The following KCNMA1 variants were observed in gnomAD, a reference collection of about 807,000 sequenced individuals.
The protein encoded by KCNMA1 is Calcium-activated potassium channel subunit alpha-1.
In KCNMA1, 29 loss-of-function variants were observed where a neutral mutation model predicts 140.0. The observed-to-expected ratio is 0.21, with a 90% CI of 0.15 to 0.28. The LOEUF is 0.28. KCNMA1 is among the 10% of genes least tolerant of loss of function. The pLI is 1.00. For synonymous variants in KCNMA1, 612 were observed against 611.9 expected, an observed-to-expected ratio of 1.00 and a Z score of 0.00; for missense variants, 880 against 1,602.2, an observed-to-expected ratio of 0.55 and a Z score of 7.70.
chr10:76,913,892 G>A (rs1195171469), intron 24 of KCNMA1: 2 of 610,340 alleles, frequency 3.3e-6, no homozygotes, highest in Non-Finnish European at 5.8e-6. Context: ...GCCAGAACAA[G>A]ACAGTCGATT....
intron 1 of KCNMA1, among the ~76,000 whole-genome samples, chr10:77,473,992 G>A (rs747448047): frequency 1.3e-5 from 2 of 152,154 alleles, no homozygotes; most frequent in Admixed American, 6.5e-5. Flanking sequence ...ACCCAGGGCC[G>A]GTCCTTAGAG....
chr10:77,566,132 A>T (rs2068221405), intron 1 of KCNMA1, among the ~76,000 whole-genome samples: 1 of 151,996 alleles, frequency 6.6e-6, no homozygotes, highest in Non-Finnish European at 1.5e-5. Context: ...TAGCAAAAAT[A>T]GGCTTTGGAA....
intron 9 of KCNMA1, among the ~76,000 whole-genome samples, chr10:77,096,292 C>A (rs775945451): frequency 2.7e-4 from 41 of 152,216 alleles, no homozygotes; most frequent in Middle Eastern, 6.8e-3. Context: ...ATGAAGAGGC[C>A]CAGGCTGACT....
intron 3 of KCNMA1, among the ~76,000 whole-genome samples, chr10:77,220,290 T>C (rs1232499041): frequency 1.3e-5 from 2 of 152,170 alleles, no homozygotes; most frequent in African/African-American, 4.8e-5. Flanking sequence ...TTGCTCAAAG[T>C]CACACCACTG....
At chr10:77,196,208 T>C (rs1272252755) in intron 3 of KCNMA1, among the ~76,000 whole-genome samples, 1 of 152,150 alleles carries the variant, frequency 6.6e-6, no homozygotes, top group Non-Finnish European at 1.5e-5. Flanking sequence ...TTCTTAGGAT[T>C]TTCTCTTCTG....
chr10:77,298,608 C>T (rs1260558781), intron 2 of KCNMA1, among the ~76,000 whole-genome samples: 1 of 61,790 alleles, frequency 1.6e-5, no homozygotes, highest in South Asian at 4.6e-4. Context: ...CAGGAGGGGG[C>T]ACCCTAACTG....
intron 15 of KCNMA1, among the ~76,000 whole-genome samples, chr10:77,036,812 T>G (rs200630692): frequency 6.6e-6 from 1 of 152,182 alleles, no homozygotes; most frequent in African/African-American, 2.4e-5. Context: ...TAACTTTGAG[T>G]TATGGCTTTT....
At chr10:77,478,806 A>AT (rs915440568) in intron 1 of KCNMA1, among the ~76,000 whole-genome samples, 10 of 152,226 alleles carry the variant, frequency 6.6e-5, no homozygotes, top group East Asian at 5.8e-4. Flanking sequence ...AATGCTATTT[A>AT]TAATAGCAAA....
At chr10:76,948,305 C>A (rs2064989366) in intron 22 of KCNMA1, among the ~76,000 whole-genome samples, 1 of 152,066 alleles carries the variant, frequency 6.6e-6, no homozygotes, top group African/African-American at 2.4e-5. Context: ...TGCACCTGGC[C>A]CCTGTTTCTC....
At chr10:77,387,159 G>A (rs2095632007) in intron 2 of KCNMA1, among the ~76,000 whole-genome samples, 1 of 152,196 alleles carries the variant, frequency 6.6e-6, no homozygotes, top group Admixed American at 6.5e-5. Flanking sequence ...TTTGTCTGTA[G>A]AATCACTGTG....
At chr10:77,619,370 C>T (rs1378118088) in intron 1 of KCNMA1, among the ~76,000 whole-genome samples, 1 of 152,018 alleles carries the variant, frequency 6.6e-6, no homozygotes, top group Non-Finnish European at 1.5e-5. Context: ...CATGCTTCCT[C>T]TCACTCTCGC....
intron 19 of KCNMA1, among the ~76,000 whole-genome samples, chr10:76,982,750 G>A (rs967591168): frequency 1.3e-5 from 2 of 152,114 alleles, no homozygotes; most frequent in African/African-American, 4.8e-5. Context: ...GAGGATAGTG[G>A]GTGGGCTTTG....
intron 2 of KCNMA1, among the ~76,000 whole-genome samples, chr10:77,384,162 GC>G (rs2095523914): frequency 6.6e-6 from 1 of 152,236 alleles, no homozygotes; most frequent in African/African-American, 2.4e-5. Context: ...CTAAATGAGA[GC>G]TTTTCCTGGT....
At chr10:77,319,605 C>A (rs1366785988) in intron 2 of KCNMA1, among the ~76,000 whole-genome samples, 1 of 152,220 alleles carries the variant, frequency 6.6e-6, no homozygotes, top group Non-Finnish European at 1.5e-5. Flanking sequence ...CGTCCTCTTT[C>A]TGGGCAATTG....
intron 1 of KCNMA1, among the ~76,000 whole-genome samples, chr10:77,408,840 C>A (rs980170405): frequency 2.6e-5 from 4 of 152,308 alleles, no homozygotes; most frequent in Non-Finnish European, 5.9e-5. Flanking sequence ...CTGCCTCCAA[C>A]CCTGCCCTCT....
At chr10:77,376,648 A>T (rs1486753604) in intron 2 of KCNMA1, 1 of 142,332 alleles carries the variant, frequency 7.0e-6, no homozygotes, top group African/African-American at 2.7e-5. Context: ...ATTAAAAAAA[A>T]AAAATGAGGC....
chr10:77,363,682 AC>A lies in KCNMA1; in HGVS notation c.540+40179del, dbSNP rs1208856514. Among the ~76,000 whole-genome samples the A allele has an allele frequency of 3.3e-5, 5 of 151,120 alleles. No homozygotes were observed. In the South Asian group the frequency reaches 1.0e-3, roughly 32 times the overall value. On this transcript the variant is annotated intron_variant, in intron 2 of 27. Coordinates refer to ENST00000286628, the MANE Select transcript of KCNMA1 (RefSeq NM_001161352.2). ...TCACTGGCTTGGCCATCCAATTCAG[AC>A]TCCCTGGCTTCACTTCTCCTTCCTT...
chr10:77,128,647 G>T (rs1160825994), intron 5 of KCNMA1, among the ~76,000 whole-genome samples: 1 of 152,032 alleles, frequency 6.6e-6, no homozygotes, highest in East Asian at 1.9e-4. Context: ...TTCTATAAAT[G>T]AACATATAGT....
chr10:76,898,589 T>TA (rs973893989), intron 25 of KCNMA1, among the ~76,000 whole-genome samples: 4 of 151,800 alleles, frequency 2.6e-5, no homozygotes, highest in Non-Finnish European at 5.9e-5. Context: ...ACCTACATTT[T>TA]AAAAATTAAA....
Sources: gnomAD v4.1 joint callset for allele counts (sites outside exome capture counted in the v4.1 genomes callset) on GRCh38, gnomAD v4.1.1 for gene constraint, MANE v1.5 for transcripts, NCBI Gene and HGNC (gene_info 2026-07-23, HGNC 2026-07-21) for gene names.